Variants in LGR5 observed in about 807,000 individuals in gnomAD.
LGR5 encodes leucine-rich repeat-containing G protein-coupled receptor 5.
LGR5 carries 54 observed loss-of-function variants against 76.7 expected under a neutral mutation model. The ratio of observed to expected loss-of-function variants is 0.70; its 90% CI spans 0.57 to 0.88. The LOEUF (loss-of-function observed/expected upper bound fraction) is 0.88. LGR5 is among the 40% of genes least tolerant of loss of function. The pLI is 0.00. For missense variants in LGR5, 1,078 were observed against 1,073.3 expected (o/e 1.00, Z -0.06); for synonymous variants, 406 against 421.9 (o/e 0.96, Z 0.46).
intron 3 of LGR5, among the ~76,000 whole-genome samples, chr12:71,533,467 T>C (rs10784924): frequency 0.072 from 10,900 of 152,280 alleles, 938 homozygotes; most frequent in East Asian, 0.44. Flanking sequence ...GTTACAAGTG[T>C]GAATTTCCTG....
chr12:71,544,270 T>C (rs1042557438), intron 4 of LGR5, among the ~76,000 whole-genome samples: 1 of 150,274 alleles, frequency 6.7e-6, no homozygotes, highest in African/African-American at 2.4e-5. Context: ...TTTTTTTTTT[T>C]TCTTTGTCTT....
intron 4 of LGR5, among the ~76,000 whole-genome samples, chr12:71,541,978 A>G (rs768545973): frequency 1.3e-5 from 2 of 152,248 alleles, no homozygotes; most frequent in East Asian, 3.8e-4. Flanking sequence ...ACCTGTAGAC[A>G]TATAATTGTG....
intron 8 of LGR5, among the ~76,000 whole-genome samples, chr12:71,565,421 G>GATATATATATATATATAT (rs1565762535): frequency 3.5e-5 from 5 of 144,202 alleles, no homozygotes; most frequent in African/African-American, 1.4e-4. Context: ...GATCAATTGA[G>GATATATATATATATATAT]CTATATATAT....
At chr12:71,439,536 G>A (rs988760674), upstream of LGR5, among the ~76,000 whole-genome samples, 1 of 152,054 alleles carries the variant, frequency 6.6e-6, no homozygotes, top group Admixed American at 6.5e-5. Flanking sequence ...AAGGGTGGGG[G>A]GGTCCCCTAT....
chr12:71,505,040 C>T lies in LGR5; in HGVS notation c.284+355C>T, dbSNP rs115452625. 3.5e-3 allele frequency among the ~76,000 whole-genome samples: 530 copies of T among 152,258 alleles called. 3 individuals carry two copies. The highest frequency in any genetic ancestry group is 0.012 in the African/African-American group (505 of 41,554). ...AATACTGGTTCATGTTTATTAAAATCGCAAGTAAAGCTATAATCAAAACCA... is the reference window on the plus strand; with the variant it reads ...AATACTGGTTCATGTTTATTAAAATTGCAAGTAAAGCTATAATCAAAACCA... On this transcript the variant is annotated intron_variant, in intron 2 of 17. Transcript: ENST00000266674.
At chr12:71,523,358 A>C (rs943612525) in intron 2 of LGR5, among the ~76,000 whole-genome samples, 5 of 151,944 alleles carry the variant, frequency 3.3e-5, no homozygotes, top group African/African-American at 1.2e-4. Context: ...CCATCATAGT[A>C]CCCAGCAGGG....
intron 8 of LGR5, among the ~76,000 whole-genome samples, chr12:71,566,149 A>T (rs1354322038): frequency 2.6e-5 from 4 of 152,194 alleles, no homozygotes; most frequent in Non-Finnish European, 5.9e-5. Flanking sequence ...TTTTCTCCTT[A>T]GTAACTATCA....
chr12:71,468,038 T>C (rs1439476798), intron 1 of LGR5, among the ~76,000 whole-genome samples: 3 of 152,214 alleles, frequency 2.0e-5, no homozygotes, highest in African/African-American at 7.2e-5. Context: ...AAAAGGGTAA[T>C]TGAATATTTT....
intron 1 of LGR5, among the ~76,000 whole-genome samples, chr12:71,481,819 GA>G (rs1873618788): frequency 6.6e-6 from 1 of 151,456 alleles, no homozygotes; most frequent in East Asian, 1.9e-4. Context: ...ATTTTTTTTT[GA>G]AATGTTGCCT....
At chr12:71,576,132 T>C (rs1221520393) in intron 13 of LGR5, among the ~76,000 whole-genome samples, 2 of 152,160 alleles carry the variant, frequency 1.3e-5, no homozygotes, top group Non-Finnish European at 2.9e-5. Context: ...AGTTAATGCA[T>C]GCAGGGCTTA....
At chr12:71,462,061 C>T (rs931100418) in intron 1 of LGR5, among the ~76,000 whole-genome samples, 2 of 152,160 alleles carry the variant, frequency 1.3e-5, no homozygotes, top group Non-Finnish European at 2.9e-5. Context: ...AATGGGTCTC[C>T]TTATCTCCCT....
intron 2 of LGR5, among the ~76,000 whole-genome samples, chr12:71,522,219 G>C (rs1875760370): frequency 6.6e-6 from 1 of 152,162 alleles, no homozygotes; most frequent in African/African-American, 2.4e-5. Flanking sequence ...AACTGACAGA[G>C]AGTTTTCGAA....
chr12:71,535,442 C>T (rs1399163205), intron 4 of LGR5, among the ~76,000 whole-genome samples: 1 of 152,026 alleles, frequency 6.6e-6, no homozygotes, highest in Admixed American at 6.6e-5. Context: ...CTTCCAAGAT[C>T]CTGTCCTACA....
At chr12:71,549,393 A>T (rs1373994623) in intron 4 of LGR5, among the ~76,000 whole-genome samples, 1 of 152,216 alleles carries the variant, frequency 6.6e-6, no homozygotes, top group Non-Finnish European at 1.5e-5. Context: ...TGGTGACTAC[A>T]GTTAATAATA....
intron 8 of LGR5, among the ~76,000 whole-genome samples, chr12:71,563,499 G>A (rs998015042): frequency 2.0e-5 from 3 of 152,154 alleles, no homozygotes; most frequent in Non-Finnish European, 2.9e-5. Flanking sequence ...TACACTAAAT[G>A]CAAACTCCTC....
intron 1 of LGR5, among the ~76,000 whole-genome samples, chr12:71,446,972 G>A (rs1043121733): frequency 6.6e-6 from 1 of 152,116 alleles, no homozygotes; most frequent in Non-Finnish European, 1.5e-5. Context: ...AACCACCTAG[G>A]CAAGAATAAA....
chr12:71,506,247 T>G (rs1874851995), intron 2 of LGR5, among the ~76,000 whole-genome samples: 1 of 152,134 alleles, frequency 6.6e-6, no homozygotes, highest in South Asian at 2.1e-4. Flanking sequence ...GGTATGCCCT[T>G]CCTATCCTTT....
chr12:71,439,705 G>A, upstream of LGR5: 1 of 219,310 alleles, frequency 4.6e-6, no homozygotes, highest in South Asian at 8.1e-5. Flanking sequence ...GGGCCGGGCG[G>A]GGGGTGCCTG....
intron 1 of LGR5, chr12:71,441,635 A>G (rs1215030706): frequency 1.3e-5 from 2 of 152,146 alleles, no homozygotes; most frequent in Non-Finnish European, 2.9e-5. Context: ...TTGCTTTAAT[A>G]TTGTCTTTAA....
Sources: allele counts gnomAD v4.1 joint callset (sites outside exome capture counted in the v4.1 genomes callset), GRCh38; gene constraint gnomAD v4.1.1; transcripts MANE v1.5; gene names NCBI Gene and HGNC (gene_info 2026-07-23, HGNC 2026-07-21).